The following PARD3B variants were observed in gnomAD, a reference collection of about 807,000 sequenced individuals.
PARD3B encodes the protein par-3 family cell polarity regulator beta.
In PARD3B, 103 loss-of-function variants were observed where a neutral mutation model predicts 130.2. That is an observed-to-expected ratio of 0.79 (90% CI 0.67 to 0.93). The LOEUF (loss-of-function observed/expected upper bound fraction) is 0.93. PARD3B is among the 40% of genes least tolerant of loss of function. The pLI, the probability that PARD3B is intolerant of heterozygous loss-of-function variation, is 0.00. For missense variants in PARD3B, 1,609 were observed against 1,499.2 expected (o/e 1.07, Z -1.21); for synonymous variants, 583 against 553.2 (o/e 1.05, Z -0.76).
At chr2:205,135,297 G>A (rs1328588544) in intron 10 of PARD3B, among the ~76,000 whole-genome samples, 1 of 152,174 alleles carries the variant, frequency 6.6e-6, no homozygotes, top group Non-Finnish European at 1.5e-5. Flanking sequence ...CTCCATGCCT[G>A]TGATCAGTAC....
At chr2:205,082,631 A>C (rs1200366088) in intron 4 of PARD3B, among the ~76,000 whole-genome samples, 1 of 152,110 alleles carries the variant, frequency 6.6e-6, no homozygotes, top group African/African-American at 2.4e-5. Flanking sequence ...TTCAAAAAAA[A>C]ATCAGTTTGA....
chr2:205,311,027 A>T (rs1426575256), intron 18 of PARD3B, among the ~76,000 whole-genome samples: 1 of 152,122 alleles, frequency 6.6e-6, no homozygotes, highest in Non-Finnish European at 1.5e-5. Context: ...CAGCTGGCTG[A>T]ATAGTATTTC....
intron 13 of PARD3B, among the ~76,000 whole-genome samples, chr2:205,182,896 A>C (rs1359948998): frequency 6.6e-6 from 1 of 152,106 alleles, no homozygotes; most frequent in Non-Finnish European, 1.5e-5. Flanking sequence ...ACCCTCTCAT[A>C]ACCACTGAGA....
At chr2:204,683,181 T>C (rs2036920963) in intron 1 of PARD3B, among the ~76,000 whole-genome samples, 1 of 152,180 alleles carries the variant, frequency 6.6e-6, no homozygotes, top group African/African-American at 2.4e-5. Flanking sequence ...TTTTCAATAA[T>C]GATCCTAGGA....
rs1367643392 is a variant in PARD3B, at chr2:204,673,459, C to G, written c.121-12722C>G. Among the ~76,000 whole-genome samples the G allele has an allele frequency of 6.6e-6, 1 of 152,172 alleles. No homozygotes were observed. The highest frequency in any genetic ancestry group is 1.9e-4 in the East Asian group (1 of 5,192). ...TTGCATCTCCACCAAGTTTATTCAA[C>G]CTGACAAGCGAACTAGTTTTCCCAC... On this transcript the variant is annotated intron_variant, in intron 1 of 22. Coordinates refer to ENST00000406610, the MANE Select transcript of PARD3B (RefSeq NM_001302769.2). The surrounding 1 kb of genome is among the most constrained non-coding windows in gnomAD (Gnocchi z 4.7).
rs1310209387 is a variant in PARD3B, at chr2:204,678,920, C to A, written c.121-7261C>A. Among the ~76,000 whole-genome samples the A allele has an allele frequency of 6.6e-6, 1 of 152,108 alleles. No individual in the cohort carries two copies. Among genetic ancestry groups the A allele is most frequent in the Non-Finnish European group, 1.5e-5 (1 of 68,028 alleles). On this transcript the variant is annotated intron_variant, in intron 1 of 22. Transcript: ENST00000406610. The surrounding 1 kb of genome is among the most constrained non-coding windows in gnomAD (Gnocchi z 4.2). Reference sequence around the variant, plus strand: ...TACAGATCAAGAAATAGAACATTGCCCTAGAAGCCGCTTCATGCCTCTTTC... The same window carrying A: ...TACAGATCAAGAAATAGAACATTGCACTAGAAGCCGCTTCATGCCTCTTTC...
intron 1 of PARD3B, among the ~76,000 whole-genome samples, chr2:204,657,350 A>G (rs891481027): frequency 5.3e-5 from 8 of 152,184 alleles, no homozygotes; most frequent in African/African-American, 1.9e-4. Flanking sequence ...CTCTACCAAA[A>G]GAAAACATAG....
rs1346440192 is a variant in PARD3B, at chr2:205,104,529, C to T, written c.593+15C>T. On this transcript the variant is annotated intron_variant, in intron 5 of 22. Coordinates refer to ENST00000406610, the MANE Select transcript of PARD3B (RefSeq NM_001302769.2). The stretch of plus-strand genomic sequence containing the variant: ...GACACATTGAGGTATTCTCTTTATA[C>T]AGATAAGAATATCTGATTTATTTCA... 1 of 1,423,060 alleles carries T rather than the reference C, an allele frequency of 7.0e-7. No homozygotes were observed. Among genetic ancestry groups the T allele is most frequent in the Non-Finnish European group, 9.9e-7 (1 of 1,008,696 alleles). 88.2% of individuals were successfully genotyped at this position (1,423,060 alleles called of 1,614,324 possible). A position where few individuals can be genotyped will look rare whatever the true frequency, so the allele number is the denominator to read the frequency against.
chr2:204,765,960 T>G (rs1021885904), intron 2 of PARD3B, among the ~76,000 whole-genome samples: 2 of 152,218 alleles, frequency 1.3e-5, no homozygotes, highest in African/African-American at 4.8e-5. Context: ...CAGTTAATAG[T>G]AATGGTTTCC....
chr2:205,025,340 A>G (rs778950468), intron 3 of PARD3B, among the ~76,000 whole-genome samples: 24 of 152,306 alleles, frequency 1.6e-4, no homozygotes, highest in Middle Eastern at 3.4e-3. Context: ...GACTGCTGTC[A>G]TTGCCAAAAG....
Position 205,122,076 on chromosome 2 carries a change from T to A in PARD3B, c.1165+127T>A. 1 of 830,314 alleles carries A rather than the reference T, an allele frequency of 1.2e-6. No individual in the cohort carries two copies. The highest frequency in any genetic ancestry group is 1.7e-5 in the African/African-American group (1 of 57,994). 51.4% of individuals were successfully genotyped at this position (830,314 alleles called of 1,614,324 possible). The stretch of plus-strand genomic sequence containing the variant: ...AATTGTATCAAAGAATAGATTTAAG[T>A]GTATACTTAGGTAACTTAAATTTCT... On this transcript the variant is annotated intron_variant, in intron 8 of 22. Transcript: ENST00000406610. The surrounding 1 kb of genome is among the most constrained non-coding windows in gnomAD (Gnocchi z 4.3).
chr2:205,084,868 AAAT>A (rs1701646377), intron 4 of PARD3B, among the ~76,000 whole-genome samples: 1 of 152,012 alleles, frequency 6.6e-6, no homozygotes, highest in Non-Finnish European at 1.5e-5. Flanking sequence ...TTATAAGAAT[AAAT>A]AATAAACTTT....
chr2:204,720,890 T>C (rs1189352200), intron 2 of PARD3B, among the ~76,000 whole-genome samples: 1 of 152,124 alleles, frequency 6.6e-6, no homozygotes, highest in Non-Finnish European at 1.5e-5. Context: ...TTTTCATCAC[T>C]CTACCATGCT....
At chr2:204,968,821 A>G (rs1170233651) in intron 3 of PARD3B, among the ~76,000 whole-genome samples, 3 of 152,260 alleles carry the variant, frequency 2.0e-5, no homozygotes, top group Admixed American at 2.0e-4. Context: ...CTACTGACAT[A>G]AAGGGGTTCA....
chr2:204,546,904 T>C (rs1477881551), intron 1 of PARD3B, among the ~76,000 whole-genome samples: 2 of 152,348 alleles, frequency 1.3e-5, no homozygotes, highest in Non-Finnish European at 2.9e-5. Flanking sequence ...CTAGAACTTA[T>C]GCCAAGTATT....
intron 13 of PARD3B, among the ~76,000 whole-genome samples, chr2:205,178,074 G>A (rs2035570643): frequency 6.9e-6 from 1 of 144,082 alleles, no homozygotes; most frequent in African/African-American, 2.6e-5. Flanking sequence ...GGGAGGCCGA[G>A]GCAGGCAGAT....
intron 2 of PARD3B, among the ~76,000 whole-genome samples, chr2:204,828,616 A>C (rs907088359): frequency 6.6e-6 from 1 of 152,194 alleles, no homozygotes; most frequent in Non-Finnish European, 1.5e-5. Flanking sequence ...AACCAAGAAG[A>C]TATTTCCATT....
intron 15 of PARD3B, among the ~76,000 whole-genome samples, chr2:205,213,978 A>G (rs536117998): frequency 6.6e-6 from 1 of 152,230 alleles, no homozygotes; most frequent in Admixed American, 6.6e-5. Context: ...CTTGCACCAC[A>G]AGAGAGGGTA....
At chr2:204,636,270 T>C (rs1056580641) in intron 1 of PARD3B, among the ~76,000 whole-genome samples, 1 of 152,160 alleles carries the variant, frequency 6.6e-6, no homozygotes, top group African/African-American at 2.4e-5. Flanking sequence ...GATATATAAC[T>C]AATCTTTCCT....
Sources: gnomAD v4.1 joint callset for allele counts (sites outside exome capture counted in the v4.1 genomes callset) on GRCh38, gnomAD v4.1.1 for gene constraint, Gnocchi (gnomAD v3.1) non-coding constraint, MANE v1.5 for transcripts, NCBI Gene and HGNC (gene_info 2026-07-23, HGNC 2026-07-21) for gene names.